GTF2I: variants seen among roughly 807,000 people sequenced by gnomAD.
GTF2I encodes the protein general transcription factor II-I.
A neutral mutation model predicts 67.6 loss-of-function variants in GTF2I; 12 were observed. That is an observed-to-expected ratio of 0.18 (90% CI 0.11 to 0.29). GTF2I has a LOEUF of 0.29. Among genes scored for constraint, GTF2I ranks in the 10% least tolerant of loss-of-function variants. The probability of loss-of-function intolerance (pLI) is 1.00; values close to 1 mark genes in which losing one functional copy is unlikely to be tolerated. For missense variants in GTF2I, 271 were observed against 580.1 expected (o/e 0.47, Z 5.47); for synonymous variants, 149 against 197.0 (o/e 0.76, Z 2.04).
chr7:74,693,008 C>T (rs954381954), intron 3 of GTF2I, among the ~76,000 whole-genome samples: 12 of 152,002 alleles, frequency 7.9e-5, no homozygotes, highest in Non-Finnish European at 1.3e-4. Flanking sequence ...GTTATCTGCC[C>T]GCCTCGGCCT....
chr7:74,732,796 C>T (rs1380797677), intron 15 of GTF2I, 134 bp downstream of exon 15: 32 of 1,006,956 alleles, frequency 3.2e-5, no homozygotes, highest in Non-Finnish European at 4.5e-5. Flanking sequence ...TTTTATCTTG[C>T]ACTTTTTAAT....
At chr7:74,661,162 G>C (rs1199737244) in intron 1 of GTF2I, among the ~76,000 whole-genome samples, 1 of 152,132 alleles carries the variant, frequency 6.6e-6, no homozygotes. Context: ...CACCGCGCCT[G>C]GGCGTCCCCG....
chr7:74,694,416 G>A lies in GTF2I; in HGVS notation c.238+3305G>A, dbSNP rs964309848. Among the ~76,000 whole-genome samples the A allele has an allele frequency of 1.8e-4, 28 of 152,262 alleles. 1 individual carries two copies. In the South Asian group the frequency reaches 4.8e-3, roughly 26 times the overall value. Reference sequence around the variant, plus strand: ...ACCCTAGGCACCCTGGTGAAACCCCGTCTCTTCTAAAATACAAAAAATTAG... The same window carrying A: ...ACCCTAGGCACCCTGGTGAAACCCCATCTCTTCTAAAATACAAAAAATTAG... On this transcript the variant is annotated intron_variant, in intron 3 of 34. Transcript: ENST00000573035.
At chr7:74,662,736 C>A (rs1339762032) in intron 1 of GTF2I, among the ~76,000 whole-genome samples, 1 of 151,896 alleles carries the variant, frequency 6.6e-6, no homozygotes, top group Non-Finnish European at 1.5e-5. Context: ...GCTGGCCAGG[C>A]TTGTCTCCAA....
chr7:74,670,071 T>C (rs1230632375), intron 1 of GTF2I, among the ~76,000 whole-genome samples: 7 of 152,228 alleles, frequency 4.6e-5, no homozygotes, highest in Non-Finnish European at 7.3e-5. Context: ...GGCTTGGATT[T>C]GGTGAGTTTT....
chr7:74,671,123 G>T (rs1554390502), intron 1 of GTF2I, among the ~76,000 whole-genome samples: 1 of 109,012 alleles, frequency 9.2e-6, no homozygotes, highest in Non-Finnish European at 1.7e-5. Flanking sequence ...GTCTCACTCT[G>T]TTGCCCAGGG....
chr7:74,735,769 A>G (rs1481090444), intron 17 of GTF2I, among the ~76,000 whole-genome samples: 2 of 64,548 alleles, frequency 3.1e-5, no homozygotes, highest in Non-Finnish European at 6.3e-5. Context: ...CCCGGGTTCA[A>G]GCAATTCTCC....
At chr7:74,724,882 C>T (rs1793556963) in intron 12 of GTF2I, among the ~76,000 whole-genome samples, 1 of 152,134 alleles carries the variant, frequency 6.6e-6, no homozygotes. Flanking sequence ...GATCGTGCCA[C>T]TGCCCACTGC....
At position 74,685,829 on chromosome 7, in the gene GTF2I, G is replaced by A. The variant is rs587716972; in HGVS notation, c.-5-3295G>A. Among the ~76,000 whole-genome samples the A allele has an allele frequency of 3.4e-4, 52 of 151,778 alleles. 1 individual carries two copies. In the Middle Eastern group the frequency reaches 0.01, roughly 30 times the overall value. Reference sequence around the variant, plus strand: ...CGCCGGTAATCCGGCCGAGGCGGGCGGATCATGAGGTCAGGAGATCGATAC... The same window carrying A: ...CGCCGGTAATCCGGCCGAGGCGGGCAGATCATGAGGTCAGGAGATCGATAC... On this transcript the variant is annotated intron_variant, in intron 1 of 34. Coordinates refer to ENST00000573035, the MANE Select transcript of GTF2I (RefSeq NM_032999.4).
intron 1 of GTF2I, among the ~76,000 whole-genome samples, chr7:74,681,939 G>C (rs587654512): frequency 6.6e-6 from 1 of 152,122 alleles, no homozygotes; most frequent in South Asian, 2.1e-4. Context: ...ATGGGAGGAT[G>C]TGATAGTTCT....
rs781822433 is a variant in GTF2I, at chr7:74,705,171, T to C, written c.594T>C (p.Arg198=). The change falls in exon 7 of 35, where the codon CGT becomes CGC. Residue 198 remains arginine, a synonymous_variant. Transcript: ENST00000573035. Reference sequence around the variant, plus strand: ...TTTTTTTTTTGTATGTAGGTGGTCGTGTGATGGTAACAGATGCTGACAGGT... The same window carrying C: ...TTTTTTTTTTGTATGTAGGTGGTCGCGTGATGGTAACAGATGCTGACAGGT... ...FLEPKKHVGG[R]VMVTDADRSI... The C allele has an allele frequency of 1.9e-6, 3 of 1,599,138 alleles. No individual in the cohort carries two copies. Among genetic ancestry groups the C allele is most frequent in the Non-Finnish European group, 2.6e-6 (3 of 1,167,746 alleles).
Position 74,687,581 on chromosome 7 carries a change from G to C in GTF2I, c.-5-1543G>C, listed in dbSNP as rs1172245850. On this transcript the variant is annotated intron_variant, in intron 1 of 34. Coordinates refer to ENST00000573035, the MANE Select transcript of GTF2I (RefSeq NM_032999.4). ...AAGTATGTATGCTTCGTTACTTGTT[G>C]ATGGGTAATCTGGGCTAGCAGTTAA... The C allele has an allele frequency of 4.1e-6, 4 of 980,282 alleles. No individual in the cohort carries two copies. In the African/African-American group the frequency reaches 7.0e-5, roughly 17 times the overall value. The allele number at this position is 980,282 out of a possible 1,614,324, so 60.7% of individuals were successfully genotyped here. A position where few individuals can be genotyped will look rare whatever the true frequency, so the allele number is the denominator to read the frequency against.
At chr7:74,720,571 A>G (rs1174535838) in intron 12 of GTF2I, among the ~76,000 whole-genome samples, 1 of 152,128 alleles carries the variant, frequency 6.6e-6, no homozygotes. Flanking sequence ...TTAGTGAGAA[A>G]CCTCATTAAC....
chr7:74,678,575 TA>T (rs1786907301), intron 1 of GTF2I, among the ~76,000 whole-genome samples: 1 of 152,176 alleles, frequency 6.6e-6, no homozygotes, highest in Admixed American at 6.5e-5. Flanking sequence ...CTCATCAGTT[TA>T]AATCCATTTC....
chr7:74,708,485 T>C (rs1791078330), intron 8 of GTF2I, among the ~76,000 whole-genome samples: 1 of 152,030 alleles, frequency 6.6e-6, no homozygotes, highest in Non-Finnish European at 1.5e-5. Context: ...CTGAGGGGCA[T>C]GGTGAGGCTG....
chr7:74,699,035 G>A lies in GTF2I; in HGVS notation c.313G>A (p.Asp105Asn). The A allele has an allele frequency of 6.4e-7, 1 of 1,558,166 alleles. No homozygotes were observed. The highest frequency in any genetic ancestry group is 8.7e-7 in the Non-Finnish European group (1 of 1,148,000). Reference protein sequence around the residue: ...STTQANRMSVDAVEIETLRKT... With the variant: ...STTQANRMSVNAVEIETLRKT... ...AACCCAGGCAAATCGGATGAGTGTA[G>A]ATGCTGTAGAAATTGAAACACTCAG... The change falls in exon 4 of 35, where the codon GAT (aspartate) becomes AAT (asparagine). Residue 105 changes from aspartate (D) to asparagine (N), a missense_variant. Asp to Asn is a conservative substitution (Grantham distance 23, BLOSUM62 1). Transcript: ENST00000573035.
chr7:74,681,340 C>T (rs587658939), intron 1 of GTF2I, among the ~76,000 whole-genome samples: 5 of 151,974 alleles, frequency 3.3e-5, no homozygotes, highest in African/African-American at 1.2e-4. Flanking sequence ...GAGGCTGAGG[C>T]AGGAGAATTG....
Position 74,699,979 on chromosome 7 carries a change from C to A in GTF2I, c.374-268C>A, listed in dbSNP as rs77681447. 1.4e-3 allele frequency: 442 copies of A among 319,324 alleles called. 5 individuals are homozygous for A. The East Asian group carries it at 0.024, about 18-fold the overall frequency. The allele number at this position is 319,324 out of a possible 1,614,324, so 19.8% of individuals were successfully genotyped here. Reference sequence around the variant, plus strand: ...AGGATGGGACCATCTTCAAGAAAGACAATAGTGCAAGAAACCAACCATTGC... The same window carrying A: ...AGGATGGGACCATCTTCAAGAAAGAAAATAGTGCAAGAAACCAACCATTGC... On this transcript the variant is annotated intron_variant, in intron 4 of 34. Transcript: ENST00000573035.
At chr7:74,666,470 T>G (rs991439992) in intron 1 of GTF2I, among the ~76,000 whole-genome samples, 4 of 152,110 alleles carry the variant, frequency 2.6e-5, no homozygotes, top group Admixed American at 6.6e-5. Flanking sequence ...AAATAGACCC[T>G]GCAAGATTCA....
Sources: allele counts gnomAD v4.1 joint callset (sites outside exome capture counted in the v4.1 genomes callset), GRCh38; gene constraint gnomAD v4.1.1; transcripts MANE v1.5; gene names NCBI Gene and HGNC (gene_info 2026-07-23, HGNC 2026-07-21).